The following SDF4 variants were observed in gnomAD, a reference collection of about 807,000 sequenced individuals.
SDF4 encodes the protein 45 kDa calcium-binding protein.
In SDF4, 22 loss-of-function variants were observed where a neutral mutation model predicts 34.2. That is an observed-to-expected ratio of 0.64 (90% CI 0.46 to 0.92). The LOEUF (loss-of-function observed/expected upper bound fraction) is 0.92, where lower values mean the gene tolerates loss of function less well. Ranked by LOEUF, SDF4 falls within the 40% of genes least tolerant of loss-of-function variation. The pLI, the probability that SDF4 is intolerant of heterozygous loss-of-function variation, is 0.00. For missense variants in SDF4, 447 were observed against 499.9 expected, an observed-to-expected ratio of 0.89 and a Z score of 1.01; for synonymous variants, 236 against 203.1, an observed-to-expected ratio of 1.16 and a Z score of -1.38.
At chr1:1,224,867 C>G (rs1283154170) in intron 2 of SDF4, among the ~76,000 whole-genome samples, 2 of 152,182 alleles carry the variant, frequency 1.3e-5, no homozygotes, top group African/African-American at 4.8e-5. Context: ...GAACTGTGAT[C>G]ACACCACTGC....
In SDF4 at chr1:1,218,516, T is replaced by C. The variant is rs1314980963; in HGVS notation, c.833A>G (p.Glu278Gly). The C allele has an allele frequency of 6.2e-7, 1 of 1,613,812 alleles. No individual in the cohort carries two copies. Among genetic ancestry groups the C allele is most frequent in the Non-Finnish European group, 8.5e-7 (1 of 1,179,944 alleles). The change falls in exon 6 of 7, where the codon GAG becomes GGG. Residue 278 changes from glutamate to glycine, a missense_variant. Coordinates refer to ENST00000360001, the MANE Select transcript of SDF4 (RefSeq NM_016176.6). The surrounding 1 kb of genome is among the most constrained non-coding windows in gnomAD (Gnocchi z 7.9). The part of the protein sequence containing the change: ...DDNWVKDRKK[E>G]FEELIDSNHD... ...GTTGGAGTCAATGAGCTCCTCAAAC[T>C]CCTTTTTTCTGTCTTTCACCCAGTT...
rs754470353 is a variant in SDF4 at position 1,223,280 on chromosome 1, T to C, written c.520A>G (p.Ile174Val). 5.6e-6 allele frequency: 9 copies of C among 1,613,988 alleles called. No homozygotes were observed. Among genetic ancestry groups the C allele is most frequent in the East Asian group, 4.5e-5 (2 of 44,890 alleles). ...GHSEKEVADA[I>V]RLNEELKVDE... ...ACTTTGAGTTCCTCGTTGAGCCTGA[T>C]GGCGTCGGCAACCTCCTTCTCGCTA... Residue 174 changes from isoleucine to valine, a missense_variant, in exon 4 of 7, where the codon ATC (isoleucine) becomes GTC (valine). Transcript: ENST00000360001.
intron 2 of SDF4, 52 bp downstream of exon 2, chr1:1,228,416 C>T: frequency 1.3e-6 from 2 of 1,520,826 alleles, no homozygotes; most frequent in Non-Finnish European, 1.8e-6. Context: ...TAGGAACACA[C>T]AGGCGAGCGC....
intron 1 of SDF4, among the ~76,000 whole-genome samples, chr1:1,231,453 G>A (rs1300148616): frequency 6.6e-6 from 1 of 152,240 alleles, no homozygotes; most frequent in African/African-American, 2.4e-5. Flanking sequence ...CCGCCTCTGA[G>A]CCAGACATCA....
At position 1,229,300 on chromosome 1, in the gene SDF4, G is replaced by A. The variant is rs145083678; in HGVS notation, c.-174-354C>T. Among the ~76,000 whole-genome samples, 156 of 152,282 alleles carry A rather than the reference G, an allele frequency of 1.0e-3. 1 individual carries two copies. Among genetic ancestry groups the A allele is most frequent in the African/African-American group, 3.6e-3 (150 of 41,546 alleles). On this transcript the variant is annotated intron_variant, in intron 1 of 6. Coordinates refer to ENST00000360001, the MANE Select transcript of SDF4 (RefSeq NM_016176.6). The stretch of plus-strand genomic sequence containing the variant: ...AACTCCTGGGCTCAGGTGATGCTCT[G>A]GGCTCAGGTGATGCTCTCGCCTCAG...
intron 4 of SDF4, among the ~76,000 whole-genome samples, chr1:1,221,979 G>GA (rs2100973698): frequency 6.6e-6 from 1 of 152,330 alleles, no homozygotes; most frequent in East Asian, 1.9e-4. Flanking sequence ...GGTTTGCCTT[G>GA]AGACTCTGGT....
intron 3 of SDF4, 50 bp downstream of exon 3, chr1:1,223,782 C>A (rs1481313062): frequency 3.2e-6 from 2 of 621,918 alleles, no homozygotes; most frequent in East Asian, 5.6e-5. Context: ...AGGCCCATGG[C>A]CCTGCCCGCC....
Position 1,230,152 on chromosome 1 carries a change from G to A in SDF4, c.-174-1206C>T, listed in dbSNP as rs537219922. Reference sequence around the variant, plus strand: ...CCGGCAAACACCTGCGGGTCCTTTCGGGTGCCGCTGAGGCCCCGCCATGTC... The same window carrying A: ...CCGGCAAACACCTGCGGGTCCTTTCAGGTGCCGCTGAGGCCCCGCCATGTC... On this transcript the variant is annotated intron_variant, in intron 1 of 6. Transcript: ENST00000360001. Among the ~76,000 whole-genome samples the A allele has an allele frequency of 8.5e-5, 13 of 152,278 alleles. No individual in the cohort carries two copies. The East Asian group carries it at 1.4e-3, about 16-fold the overall frequency.
chr1:1,217,912 G>T lies in SDF4; in HGVS notation c.892-224C>A. On this transcript the variant is annotated intron_variant, in intron 6 of 6. Coordinates refer to ENST00000360001, the MANE Select transcript of SDF4 (RefSeq NM_016176.6). This position sits in a 1 kb window ranked among gnomAD's most constrained non-coding sequence, Gnocchi z 8.5. ...CCAGCAGGGGTAACGGGGCACAGGG[G>T]CTACACAGGCCTGGACCCCAGTTCT... is the stretch of plus-strand genomic sequence containing the variant. 1.6e-6 allele frequency: 2 copies of T among 1,251,800 alleles called. No homozygotes were observed. The highest frequency in any genetic ancestry group is 2.1e-6 in the Non-Finnish European group (2 of 932,570). 77.5% of individuals were successfully genotyped at this position (1,251,800 alleles called of 1,614,324 possible). A position where few individuals can be genotyped will look rare whatever the true frequency, so the allele number is the denominator to read the frequency against.
intron 1 of SDF4, among the ~76,000 whole-genome samples, chr1:1,229,568 T>A (rs1470367031): frequency 6.6e-6 from 1 of 152,112 alleles, no homozygotes; most frequent in Non-Finnish European, 1.5e-5. Flanking sequence ...CATCTCTCTC[T>A]CGAGCTGTCA....
Position 1,228,956 on chromosome 1 carries a change from GAC to G in SDF4, c.-174-12_-174-11del, listed in dbSNP as rs1638402861. ...ACAAGCAGCTCACAGTCTGCAGAGA[GAC>G]ACAGACACATCATTAGCAAGACTCA... On this transcript the variant is annotated splice_polypyrimidine_tract_variant and intron_variant, in intron 1 of 6. Coordinates refer to ENST00000360001, the MANE Select transcript of SDF4 (RefSeq NM_016176.6). 2 of 599,496 alleles carry G rather than the reference GAC, an allele frequency of 3.3e-6. No individual in the cohort carries two copies. The highest frequency in any genetic ancestry group is 5.9e-6 in the Non-Finnish European group (2 of 337,786). The allele number at this position is 599,496 out of a possible 1,614,324, so 37.1% of individuals were successfully genotyped here. A position where few individuals can be genotyped will look rare whatever the true frequency, so the allele number is the denominator to read the frequency against.
chr1:1,217,501 C>T lies in SDF4; in HGVS notation c.*11G>A, dbSNP rs1452427442. 14 of 1,553,496 alleles carry T rather than the reference C, an allele frequency of 9.0e-6. No homozygotes were observed. The highest frequency in any genetic ancestry group is 2.4e-5 in the South Asian group (2 of 83,980). ...GGTGCGTGGGGGGCGGCGCGGGGCG[C>T]GGCCGGGCGCTCAAAACTCCTCGTG... On this transcript the variant is annotated 3_prime_UTR_variant, in exon 7 of 7. Coordinates refer to ENST00000360001, the MANE Select transcript of SDF4 (RefSeq NM_016176.6). The surrounding 1 kb of genome is among the most constrained non-coding windows in gnomAD (Gnocchi z 8.5).
chr1:1,228,684 C>T lies in SDF4; in HGVS notation c.89G>A (p.Arg30Gln), dbSNP rs753430138. The part of the protein sequence containing the change: ...GAVLLMDASA[R>Q]PANHSSTRER... ...TCGAGTGGACGAGTGGTTGGCAGGC[C>T]GTGCAGACGCGTCCATCAGAAGGAC... The change falls in exon 2 of 7, where the codon CGG becomes CAG. Residue 30 changes from arginine (R) to glutamine (Q), a missense_variant. Transcript: ENST00000360001. 15 of 1,612,868 alleles carry T rather than the reference C, an allele frequency of 9.3e-6. No individual in the cohort carries two copies. The highest frequency in any genetic ancestry group is 6.6e-5 in the South Asian group (6 of 91,086).
At chr1:1,226,801 A>C (rs1638324118) in intron 2 of SDF4, among the ~76,000 whole-genome samples, 3 of 152,178 alleles carry the variant, frequency 2.0e-5, no homozygotes, top group African/African-American at 7.2e-5. Context: ...CGCACCGAGC[A>C]GAAGCCTCAA....
At position 1,218,580 on chromosome 1, in the gene SDF4, C is replaced by G. The variant is rs1649681435; in HGVS notation, c.769G>C (p.Gly257Arg). The G allele has an allele frequency of 6.2e-7, 1 of 1,613,984 alleles. No individual in the cohort carries two copies. The highest frequency in any genetic ancestry group is 8.5e-7 in the Non-Finnish European group (1 of 1,179,960). ...TGGCCCTGCTGGTTCTCCACGGTGC[C>G]CACGGGCAGGGAGATGAACTCGGGC... ...SVPEFISLPV[G>R]TVENQQGQDI... Residue 257 changes from glycine to arginine, a missense_variant, in exon 6 of 7, where the codon GGC becomes CGC. Coordinates refer to ENST00000360001, the MANE Select transcript of SDF4 (RefSeq NM_016176.6). This position sits in a 1 kb window ranked among gnomAD's most constrained non-coding sequence, Gnocchi z 7.9.
intron 4 of SDF4, among the ~76,000 whole-genome samples, chr1:1,222,475 G>A (rs976165717): frequency 6.6e-6 from 1 of 152,316 alleles, no homozygotes; most frequent in South Asian, 2.1e-4. Flanking sequence ...CAGACCCAAG[G>A]AAGAGCCTCT....
intron 4 of SDF4, 102 bp from the exon 5 acceptor site, chr1:1,219,029 C>G (rs1649731551): frequency 1.2e-6 from 2 of 1,607,234 alleles, no homozygotes; most frequent in Non-Finnish European, 1.7e-6. Context: ...ACACAGCCAC[C>G]CGCGAGACCG....
intron 3 of SDF4, 42 bp downstream of exon 3, chr1:1,223,790 G>GCCCCCCCCCCCCCCCCCCCCCCC: frequency 5.2e-6 from 1 of 190,886 alleles, no homozygotes; most frequent in South Asian, 4.7e-5. Context: ...GGCCCTGCCC[G>GCCCCCCCCCCCCCCCCCCCCCCC]CCCCGCCCAC....
chr1:1,222,482 C>T (rs78596995), intron 4 of SDF4, among the ~76,000 whole-genome samples: 17,430 of 152,242 alleles, frequency 0.11, 1,144 homozygotes, highest in East Asian at 0.17. Flanking sequence ...AAGGAAGAGC[C>T]TCTCCCTGGG....
Sources: gnomAD v4.1 joint callset for allele counts (sites outside exome capture counted in the v4.1 genomes callset) on GRCh38, gnomAD v4.1.1 for gene constraint, Gnocchi (gnomAD v3.1) non-coding constraint, MANE v1.5 for transcripts, NCBI Gene and HGNC (gene_info 2026-07-23, HGNC 2026-07-21) for gene names.